NR2C2: variants seen among roughly 807,000 people sequenced by gnomAD.
NR2C2 encodes the protein nuclear receptor subfamily 2 group C member 2, also known as Nuclear hormone receptor TR4.
Under a neutral mutation model 62.9 loss-of-function variants are expected in NR2C2, and 6 were observed. That is an observed-to-expected ratio of 0.10 (90% confidence interval 0.05 to 0.19). The LOEUF (loss-of-function observed/expected upper bound fraction) is 0.19. NR2C2 is among the 10% of genes least tolerant of loss of function. NR2C2 has a pLI of 1.00. For missense variants in NR2C2, 479 were observed against 762.7 expected (o/e 0.63, Z 4.38); for synonymous variants, 272 against 273.8 (o/e 0.99, Z 0.07).
Position 15,023,192 on chromosome 3 carries a change from G to T in NR2C2, c.557-8G>T. ...CTCTAAACACAAATATTTATGTTGTGATTTAAGCTGTGCAGAGTGAACGGA... is the reference window on the plus strand; with the variant it reads ...CTCTAAACACAAATATTTATGTTGTTATTTAAGCTGTGCAGAGTGAACGGA... On this transcript the variant is annotated splice_region_variant and splice_polypyrimidine_tract_variant and intron_variant, in intron 5 of 13. Transcript: ENST00000425241. 1.2e-6 allele frequency: 2 copies of T among 1,613,782 alleles called. No homozygotes were observed. The highest frequency in any genetic ancestry group is 1.7e-6 in the Non-Finnish European group (2 of 1,179,838).
At chr3:15,016,411 ATAAG>A (rs2041513597) in intron 4 of NR2C2, among the ~76,000 whole-genome samples, 157 bp downstream of exon 4, 1 of 152,198 alleles carries the variant, frequency 6.6e-6, no homozygotes, top group African/African-American at 2.4e-5. Flanking sequence ...AATGATGTAA[ATAAG>A]TAAGGTAGTT....
chr3:14,969,393 C>T (rs1169447725), intron 1 of NR2C2, among the ~76,000 whole-genome samples: 7 of 151,964 alleles, frequency 4.6e-5, no homozygotes, highest in Admixed American at 4.6e-4. Flanking sequence ...CAGGCACGTG[C>T]CACCACACCC....
intron 1 of NR2C2, among the ~76,000 whole-genome samples, chr3:14,956,042 A>G (rs2039514775): frequency 6.6e-6 from 1 of 152,222 alleles, no homozygotes; most frequent in Admixed American, 6.6e-5. Flanking sequence ...GAGGGTCACA[A>G]TGGAAAGGAA....
At chr3:15,004,719 A>G in intron 2 of NR2C2, 1 of 1,317,648 alleles carries the variant, frequency 7.6e-7, no homozygotes, top group Non-Finnish European at 1.0e-6. Flanking sequence ...GCCAATTATA[A>G]CGGTTGATTT....
At chr3:14,950,006 AGCC>A (rs769235154) in intron 1 of NR2C2, among the ~76,000 whole-genome samples, 3 of 152,198 alleles carry the variant, frequency 2.0e-5, no homozygotes, top group Non-Finnish European at 2.9e-5. Context: ...ACAATAATAG[AGCC>A]TTCCTTCCTG....
At chr3:14,964,014 A>T (rs1022326974) in intron 1 of NR2C2, among the ~76,000 whole-genome samples, 1 of 151,934 alleles carries the variant, frequency 6.6e-6, no homozygotes, top group African/African-American at 2.4e-5. Context: ...TGAATGGGCT[A>T]TCAGAGTTAC....
chr3:14,955,100 G>C (rs2039483881), intron 1 of NR2C2, among the ~76,000 whole-genome samples: 1 of 152,154 alleles, frequency 6.6e-6, no homozygotes, highest in African/African-American at 2.4e-5. Flanking sequence ...TAAAGTGCTA[G>C]GATTACAGGC....
At chr3:14,990,990 A>T (rs1481893531) in intron 1 of NR2C2, among the ~76,000 whole-genome samples, 1 of 152,210 alleles carries the variant, frequency 6.6e-6, no homozygotes, top group East Asian at 1.9e-4. Flanking sequence ...CTGCCTGTGA[A>T]CAGTTTATGA....
intron 10 of NR2C2, among the ~76,000 whole-genome samples, chr3:15,033,090 G>C (rs958988617): frequency 6.6e-6 from 1 of 152,144 alleles, no homozygotes; most frequent in African/African-American, 2.4e-5. Flanking sequence ...GCCATCAGGT[G>C]GCTGGCAGTC....
chr3:15,007,123 CCTCT>C (rs1169377676), intron 2 of NR2C2, among the ~76,000 whole-genome samples: 3 of 148,354 alleles, frequency 2.0e-5, no homozygotes, highest in African/African-American at 5.0e-5. Flanking sequence ...TTTTCCCTGA[CCTCT>C]CTTTTTTTTT....
chr3:14,994,439 CTTTTTTTTTTTTT>C (rs4038325), intron 1 of NR2C2, among the ~76,000 whole-genome samples: 3 of 89,586 alleles, frequency 3.3e-5, no homozygotes, highest in African/African-American at 4.6e-5. Context: ...TTTATTCATT[CTTTTTTTTTTTTT>C]TTTTTTTTTG....
intron 1 of NR2C2, among the ~76,000 whole-genome samples, chr3:14,962,963 C>T (rs2039730576): frequency 6.6e-6 from 1 of 151,938 alleles, no homozygotes; most frequent in African/African-American, 2.4e-5. Flanking sequence ...GATCTCAAGG[C>T]CTGGTTAAGG....
chr3:15,013,001 C>T (rs1215339345), intron 2 of NR2C2, among the ~76,000 whole-genome samples: 1 of 152,148 alleles, frequency 6.6e-6, no homozygotes, highest in Admixed American at 6.6e-5. Context: ...AGGCCTTGTG[C>T]TGGCCCTGGG....
At chr3:15,030,159 T>TCCTAAAAATACAAA in intron 8 of NR2C2, 116 bp from the exon 9 acceptor site, 1 of 896,468 alleles carries the variant, frequency 1.1e-6, no homozygotes, top group South Asian at 1.6e-5. Flanking sequence ...ACCCCATCTC[T>TCCTAAAAATACAAA]ACGGTAGAAT....
In NR2C2 at chr3:15,048,142, TTA is replaced by T. The variant is rs1210243891; in HGVS notation, c.*5136_*5137del. On this transcript the variant is annotated 3_prime_UTR_variant, in exon 14 of 14. Transcript: ENST00000425241. ...GTTATCAAAATGTTTTAAAAACACT[TTA>T]TGAGACCATAGTACTCAGTGCCTTT... is the stretch of plus-strand genomic sequence containing the variant. The T allele has an allele frequency of 6.5e-6, 1 of 152,672 alleles. No homozygotes were observed. Among genetic ancestry groups the T allele is most frequent in the Non-Finnish European group, 1.5e-5 (1 of 68,048 alleles). The allele number at this position is 152,672 out of a possible 1,614,324, so 9.5% of individuals were successfully genotyped here.
intron 2 of NR2C2, among the ~76,000 whole-genome samples, chr3:15,010,352 A>G (rs1418257869): frequency 2.7e-5 from 4 of 147,952 alleles, no homozygotes; most frequent in African/African-American, 1.0e-4. Context: ...GAGGGTGAAG[A>G]TAAAAAAAAA....
chr3:15,000,301 C>T (rs376200501), intron 1 of NR2C2, among the ~76,000 whole-genome samples: 8 of 152,138 alleles, frequency 5.3e-5, no homozygotes. Flanking sequence ...TTTCACTTAC[C>T]ATAATGTTCT....
At position 14,947,754 on chromosome 3, in the gene NR2C2, C is replaced by CT. The variant is rs2039163078; in HGVS notation, c.-191dup. On this transcript the variant is annotated 5_prime_UTR_variant, in exon 1 of 14. Transcript: ENST00000425241. Reference sequence around the variant, plus strand: ...CCGCTCCCACCTCGGCGTCTCGTCTCTCGCCCGCTGCCCCGCGAGCCCGCG... The same window carrying CT: ...CCGCTCCCACCTCGGCGTCTCGTCTCTTCGCCCGCTGCCCCGCGAGCCCGCG... The CT allele has an allele frequency of 6.7e-6, 1 of 149,738 alleles. No individual in the cohort carries two copies. Among genetic ancestry groups the CT allele is most frequent in the Non-Finnish European group, 1.5e-5 (1 of 67,086 alleles). The allele number at this position is 149,738 out of a possible 1,614,324, so 9.3% of individuals were successfully genotyped here.
chr3:14,988,119 T>C (rs558578682), intron 1 of NR2C2, among the ~76,000 whole-genome samples: 2 of 152,352 alleles, frequency 1.3e-5, no homozygotes, highest in East Asian at 3.9e-4. Context: ...AGGTAAACTT[T>C]ACAGTGGAAG....
Sources: allele counts gnomAD v4.1 joint callset (sites outside exome capture counted in the v4.1 genomes callset), GRCh38; gene constraint gnomAD v4.1.1; transcripts MANE v1.5; gene names NCBI Gene and HGNC (gene_info 2026-07-23, HGNC 2026-07-21).